ATP13A4: variants seen among roughly 807,000 people sequenced by gnomAD.
ATP13A4 encodes probable cation-transporting ATPase 13A4.
In ATP13A4, 114 loss-of-function variants were observed where a neutral mutation model predicts 142.5. The ratio of observed to expected loss-of-function variants is 0.80; its 90% CI spans 0.69 to 0.93. The LOEUF (loss-of-function observed/expected upper bound fraction) is 0.93, where lower values mean the gene tolerates loss of function less well. ATP13A4 is among the 40% of genes least tolerant of loss of function. The probability of loss-of-function intolerance (pLI) is 0.00; values close to 1 mark genes in which losing one functional copy is unlikely to be tolerated. For synonymous variants in ATP13A4, 488 were observed against 514.8 expected, an observed-to-expected ratio of 0.95 and a Z score of 0.70; for missense variants, 1,392 against 1,454.0, an observed-to-expected ratio of 0.96 and a Z score of 0.69.
intron 14 of ATP13A4, among the ~76,000 whole-genome samples, chr3:193,458,058 A>G (rs1717740746): frequency 6.6e-6 from 1 of 152,218 alleles, no homozygotes; most frequent in Non-Finnish European, 1.5e-5. Flanking sequence ...TGCAATCCCT[A>G]TTTAAAGATA....
chr3:193,472,408 T>C (rs758884459), intron 8 of ATP13A4, among the ~76,000 whole-genome samples: 18 of 152,198 alleles, frequency 1.2e-4, no homozygotes, highest in Non-Finnish European at 2.6e-4. Flanking sequence ...TTTTACTACT[T>C]GTGCCCCAAA....
chr3:193,538,892 CTTTT>C (rs67132373), intron 1 of ATP13A4, among the ~76,000 whole-genome samples: 1 of 120,852 alleles, frequency 8.3e-6, no homozygotes, highest in Non-Finnish European at 1.7e-5. Flanking sequence ...TTGGTTTTTT[CTTTT>C]TTTTTTTTTT....
At chr3:193,431,380 G>C (rs1715961485) in intron 25 of ATP13A4, among the ~76,000 whole-genome samples, 1 of 151,966 alleles carries the variant, frequency 6.6e-6, no homozygotes, top group African/African-American at 2.4e-5. Flanking sequence ...CCAGAGCTTT[G>C]GATGGACATC....
intron 1 of ATP13A4, among the ~76,000 whole-genome samples, chr3:193,520,875 C>A (rs1721679064): frequency 6.6e-6 from 1 of 152,108 alleles, no homozygotes; most frequent in South Asian, 2.1e-4. Context: ...GGATGATAAT[C>A]AAATTCTCTT....
intron 16 of ATP13A4, 148 bp downstream of exon 16, chr3:193,456,852 C>T (rs1717642959): frequency 2.0e-6 from 2 of 1,002,034 alleles, no homozygotes; most frequent in South Asian, 2.8e-5. Flanking sequence ...GAAAGACACG[C>T]TTGGTTTTCG....
rs142894646 is a variant in ATP13A4 at position 193,428,790 on chromosome 3, G to A, written c.2842+5055C>T. Among the ~76,000 whole-genome samples the A allele has an allele frequency of 7.5e-3, 869 of 115,452 alleles. 9 individuals are homozygous for A. The highest frequency in any genetic ancestry group is 0.027 in the African/African-American group (828 of 30,406). The allele number at this position is 115,452 out of a possible 152,430, so 75.7% of individuals were successfully genotyped here. A position where few individuals can be genotyped will look rare whatever the true frequency, so the allele number is the denominator to read the frequency against. On this transcript the variant is annotated intron_variant, in intron 25 of 29. Transcript: ENST00000342695. ...GGAACATCACACACCTAGGCCTGTC[G>A]TGGGGTGGGGGGAGGGGGGAGGGAT...
At chr3:193,567,724 C>T (rs889946707) in intron 2 of ATP13A4, among the ~76,000 whole-genome samples, 3 of 152,146 alleles carry the variant, frequency 2.0e-5, no homozygotes, top group Non-Finnish European at 4.4e-5. Flanking sequence ...CTCTTCTCCA[C>T]CAGGATGTTT....
chr3:193,550,969 G>A (rs1723528415), intron 1 of ATP13A4, among the ~76,000 whole-genome samples: 1 of 152,200 alleles, frequency 6.6e-6, no homozygotes, highest in African/African-American at 2.4e-5. Context: ...AGGACTCAAA[G>A]AGATTTGTGC....
At chr3:193,571,102 A>G (rs1724253586) in intron 2 of ATP13A4, among the ~76,000 whole-genome samples, 1 of 151,788 alleles carries the variant, frequency 6.6e-6, no homozygotes, top group African/African-American at 2.4e-5. Context: ...ACATGGCAAA[A>G]CCCCGTCTCT....
rs551120008 is a variant in ATP13A4 at position 193,573,383 on chromosome 3, A to G, written n.291+8324T>C. ...GACACACATCTGTGGTCCCACCAGG[A>G]CTTTTATCTCAGCCTTATCTCAGCC... On this transcript the variant is annotated intron_variant and non_coding_transcript_variant, in intron 2 of 3. Coordinates refer to the ATP13A4 transcript ENST00000489140. Among the ~76,000 whole-genome samples the G allele has an allele frequency of 1.1e-3, 162 of 149,474 alleles. 1 individual carries two copies. Among genetic ancestry groups the G allele is most frequent in the Non-Finnish European group, 1.9e-3 (130 of 67,690 alleles).
chr3:193,465,192 G>A (rs922911265), intron 11 of ATP13A4, 64 bp from the exon 12 acceptor site: 18 of 1,531,768 alleles, frequency 1.2e-5, no homozygotes, highest in Non-Finnish European at 1.5e-5. Context: ...ATGACTCTTT[G>A]CCTTTTTTTT....
At chr3:193,561,756 C>T (rs894304592) in intron 2 of ATP13A4, among the ~76,000 whole-genome samples, 1 of 152,200 alleles carries the variant, frequency 6.6e-6, no homozygotes, top group Non-Finnish European at 1.5e-5. Context: ...AATAAGCAAT[C>T]TTAATAAAAC....
chr3:193,477,595 A>G (rs1276066112), intron 8 of ATP13A4, among the ~76,000 whole-genome samples: 1 of 152,136 alleles, frequency 6.6e-6, no homozygotes, highest in African/African-American at 2.4e-5. Context: ...TAGACACTGA[A>G]CATCAAACAA....
At chr3:193,575,720 C>T (rs1306112788) in intron 2 of ATP13A4, among the ~76,000 whole-genome samples, 9 of 152,138 alleles carry the variant, frequency 5.9e-5, no homozygotes, top group Admixed American at 5.9e-4. Flanking sequence ...TCCAAAATTT[C>T]CACAAAGTTT....
At chr3:193,426,468 C>G (rs1715672937) in intron 25 of ATP13A4, among the ~76,000 whole-genome samples, 1 of 151,752 alleles carries the variant, frequency 6.6e-6, no homozygotes. Flanking sequence ...GATGCAATCT[C>G]TATCAAAATT....
intron 24 of ATP13A4, 54 bp downstream of exon 24, chr3:193,435,594 C>T (rs964610049): frequency 1.9e-5 from 26 of 1,368,304 alleles, no homozygotes; most frequent in Non-Finnish European, 2.6e-5. Context: ...ATTGAGAGTG[C>T]ACCGCTACTT....
intron 3 of ATP13A4, among the ~76,000 whole-genome samples, chr3:193,498,168 T>C (rs1015336994): frequency 1.3e-5 from 2 of 152,060 alleles, no homozygotes; most frequent in Non-Finnish European, 2.9e-5. Context: ...TATCAAAATA[T>C]CACACTGTAC....
At chr3:193,583,523 G>A (rs943408164) in intron 1 of ATP13A4, among the ~76,000 whole-genome samples, 16 of 152,022 alleles carry the variant, frequency 1.1e-4, no homozygotes, top group African/African-American at 3.9e-4. Context: ...AATAATAGAA[G>A]GAGATCTCAT....
intron 25 of ATP13A4, among the ~76,000 whole-genome samples, chr3:193,430,781 C>T (rs1033953012): frequency 6.6e-6 from 1 of 151,782 alleles, no homozygotes; most frequent in African/African-American, 2.4e-5. Flanking sequence ...AGTCAGGAGC[C>T]CAATCATATA....
Sources: allele counts gnomAD v4.1 joint callset (sites outside exome capture counted in the v4.1 genomes callset), GRCh38; gene constraint gnomAD v4.1.1; transcripts MANE v1.5; gene names NCBI Gene and HGNC (gene_info 2026-07-23, HGNC 2026-07-21).